THADA: variants seen among roughly 807,000 people sequenced by gnomAD.
The protein encoded by THADA is THADA armadillo repeat containing, also known as tRNA (32-2'-O)-methyltransferase regulator THADA.
A neutral mutation model predicts 219.8 loss-of-function variants in THADA; 213 were observed. The ratio of observed to expected loss-of-function variants is 0.97; its 90% CI spans 0.87 to 1.09. The LOEUF (loss-of-function observed/expected upper bound fraction) is 1.09. Among genes scored for constraint, THADA ranks in the 50% least tolerant of loss-of-function variants. The pLI is 0.00. For missense variants in THADA, 2,956 were observed against 2,311.3 expected (o/e 1.28, Z -5.72); for synonymous variants, 1,018 against 828.9 (o/e 1.23, Z -3.92).
chr2:43,381,571 A>C (rs914051304), intron 29 of THADA, among the ~76,000 whole-genome samples: 4 of 151,960 alleles, frequency 2.6e-5, no homozygotes, highest in African/African-American at 4.8e-5. Flanking sequence ...GTTAACATCA[A>C]CAGTGATAAG....
intron 25 of THADA, among the ~76,000 whole-genome samples, chr2:43,496,937 A>G (rs1482098513): frequency 1.3e-5 from 2 of 152,228 alleles, no homozygotes; most frequent in African/African-American, 4.8e-5. Context: ...AAAATGTGGT[A>G]GTTCAACATC....
intron 24 of THADA, among the ~76,000 whole-genome samples, chr2:43,503,238 G>C (rs1457809776): frequency 3.3e-5 from 5 of 152,174 alleles, no homozygotes; most frequent in African/African-American, 1.2e-4. Context: ...ACACTCACGT[G>C]TGTAAGGAGA....
At chr2:43,277,003 C>G (rs1672797058) in intron 36 of THADA, among the ~76,000 whole-genome samples, 1 of 152,160 alleles carries the variant, frequency 6.6e-6, no homozygotes. Flanking sequence ...TACATCAGTC[C>G]TCTCCTCTCC....
chr2:43,482,829 G>A (rs1029330090), intron 26 of THADA, among the ~76,000 whole-genome samples: 14 of 152,108 alleles, frequency 9.2e-5, no homozygotes, highest in African/African-American at 2.4e-4. Context: ...TAATTGCCTA[G>A]GACTTCCAAT....
intron 31 of THADA, among the ~76,000 whole-genome samples, chr2:43,295,515 T>C (rs1156861866): frequency 6.6e-6 from 1 of 152,258 alleles, no homozygotes; most frequent in African/African-American, 2.4e-5. Context: ...AGATATTATA[T>C]TCATAGCATT....
rs553802286 is a variant in THADA, at chr2:43,334,809, C to G, written c.4343+9313G>C. Among the ~76,000 whole-genome samples, 11 of 152,238 alleles carry G rather than the reference C, an allele frequency of 7.2e-5. No individual in the cohort carries two copies. The South Asian group carries it at 2.3e-3, about 32-fold the overall frequency. ...AAAAAAACAAAAAAAACACTGGTCC[C>G]ATACAGGGCACTGAGGCCACTGGGA... On this transcript the variant is annotated intron_variant, in intron 30 of 37. Coordinates refer to ENST00000405975, the MANE Select transcript of THADA (RefSeq NM_022065.5).
chr2:43,535,369 T>G (rs1694434692), intron 21 of THADA, among the ~76,000 whole-genome samples: 1 of 151,654 alleles, frequency 6.6e-6, no homozygotes, highest in Non-Finnish European at 1.5e-5. Context: ...TCTATGCTTT[T>G]GAGGTCTTAT....
At chr2:43,588,693 T>C (rs1017774985) in intron 4 of THADA, among the ~76,000 whole-genome samples, 1 of 152,112 alleles carries the variant, frequency 6.6e-6, no homozygotes, top group African/African-American at 2.4e-5. Context: ...TAGTATCCAA[T>C]GTTGGAAATA....
intron 36 of THADA, among the ~76,000 whole-genome samples, chr2:43,259,556 G>C (rs1203268255): frequency 1.3e-5 from 2 of 152,182 alleles, no homozygotes; most frequent in African/African-American, 2.4e-5. Context: ...GAGTTATAGA[G>C]AATAATAACA....
At chr2:43,579,891 CTTG>C (rs1355009960) in intron 8 of THADA, among the ~76,000 whole-genome samples, 1 of 152,076 alleles carries the variant, frequency 6.6e-6, no homozygotes, top group Non-Finnish European at 1.5e-5. Flanking sequence ...TGCCTCTGAA[CTTG>C]TTATGTGGGA....
chr2:43,329,669 C>T (rs1679732565), intron 30 of THADA, among the ~76,000 whole-genome samples: 1 of 152,008 alleles, frequency 6.6e-6, no homozygotes, highest in Non-Finnish European at 1.5e-5. Flanking sequence ...AGGGCAGAAA[C>T]CAAGAATAGA....
intron 29 of THADA, among the ~76,000 whole-genome samples, chr2:43,376,221 A>G (rs1377943203): frequency 2.0e-5 from 3 of 152,236 alleles, no homozygotes; most frequent in Non-Finnish European, 4.4e-5. Context: ...GTCAAGACAC[A>G]AGGACACTCT....
chr2:43,589,253 A>C (rs1701306111), intron 4 of THADA, among the ~76,000 whole-genome samples: 1 of 152,234 alleles, frequency 6.6e-6, no homozygotes, highest in African/African-American at 2.4e-5. Context: ...ATGGATGAAA[A>C]AAATGCAGTA....
At chr2:43,477,621 T>C (rs899226366) in intron 26 of THADA, among the ~76,000 whole-genome samples, 1 of 152,200 alleles carries the variant, frequency 6.6e-6, no homozygotes, top group African/African-American at 2.4e-5. Flanking sequence ...CCTAAAGCAA[T>C]GGTTTTATCA....
chr2:43,493,237 C>T (rs970245377), intron 25 of THADA, among the ~76,000 whole-genome samples: 1 of 152,212 alleles, frequency 6.6e-6, no homozygotes, highest in African/African-American at 2.4e-5. Context: ...TGGCTCACAC[C>T]TGTAATTCCA....
At chr2:43,368,422 G>C (rs1225856064) in intron 29 of THADA, among the ~76,000 whole-genome samples, 1 of 151,972 alleles carries the variant, frequency 6.6e-6, no homozygotes, top group Non-Finnish European at 1.5e-5. Flanking sequence ...TTTGAAAGAG[G>C]GTCTTGCTCT....
intron 26 of THADA, among the ~76,000 whole-genome samples, chr2:43,468,072 G>T (rs971962320): frequency 6.6e-6 from 1 of 152,182 alleles, no homozygotes; most frequent in Non-Finnish European, 1.5e-5. Flanking sequence ...TAAAAATACT[G>T]ATCATAGCAT....
At chr2:43,390,855 A>G (rs144371938) in intron 29 of THADA, among the ~76,000 whole-genome samples, 261 of 152,246 alleles carry the variant, frequency 1.7e-3, no homozygotes, top group African/African-American at 6.1e-3. Flanking sequence ...TAAATAGATG[A>G]CATCAAATCC....
At chr2:43,511,539 A>G (rs1305764407) in intron 22 of THADA, among the ~76,000 whole-genome samples, 2 of 152,144 alleles carry the variant, frequency 1.3e-5, no homozygotes, top group Non-Finnish European at 2.9e-5. Context: ...AAGGTTGCCT[A>G]TGACCTGGAC....
Sources: allele counts gnomAD v4.1 joint callset (sites outside exome capture counted in the v4.1 genomes callset), GRCh38; gene constraint gnomAD v4.1.1; transcripts MANE v1.5; gene names NCBI Gene and HGNC (gene_info 2026-07-23, HGNC 2026-07-21).